Variants in DEPDC5 observed in about 807,000 individuals in gnomAD.
DEPDC5 encodes DEP domain containing 5, GATOR1 subcomplex subunit.
In DEPDC5, 73 loss-of-function variants were observed where a neutral mutation model predicts 217.3. The ratio of observed to expected loss-of-function variants is 0.34; its 90% CI spans 0.28 to 0.41. The LOEUF is 0.41. Ranked by LOEUF, DEPDC5 falls within the 10% of genes least tolerant of loss-of-function variation. The pLI is 1.00. For missense variants in DEPDC5, 1,675 were observed against 2,070.1 expected (o/e 0.81, Z 3.70); for synonymous variants, 733 against 756.7 (o/e 0.97, Z 0.51).
intron 16 of DEPDC5, 115 bp from the exon 17 acceptor site, chr22:31,804,727 A>G: frequency 2.0e-6 from 2 of 1,000,922 alleles, no homozygotes; most frequent in Non-Finnish European, 3.0e-6. Context: ...GGCATGACCC[A>G]CAGCGCCCAG....
At chr22:31,871,616 G>C (rs893312178) in intron 34 of DEPDC5, among the ~76,000 whole-genome samples, 3 of 152,192 alleles carry the variant, frequency 2.0e-5, no homozygotes, top group East Asian at 1.9e-4. Flanking sequence ...GGCTGTAGGC[G>C]TGGAGGAGAT....
Position 31,864,398 on chromosome 22 carries a change from C to A in DEPDC5, c.3330+2965C>A, listed in dbSNP as rs2092615579. 2.0e-5 allele frequency among the ~76,000 whole-genome samples: 3 copies of A among 149,282 alleles called. No individual in the cohort carries two copies. The Admixed American group carries it at 2.0e-4, about 10-fold the overall frequency. On this transcript the variant is annotated intron_variant, in intron 33 of 42. Coordinates refer to ENST00000651528, the MANE Select transcript of DEPDC5 (RefSeq NM_001242896.3). ...TGGGATTACAGGCAGGAGCCACCAC[C>A]ACACCTGGCCCAGATGGCTGCTTTC...
intron 37 of DEPDC5, 93 bp from the exon 38 acceptor site, chr22:31,879,432 C>A: frequency 8.4e-7 from 1 of 1,190,564 alleles, no homozygotes; most frequent in Non-Finnish European, 1.2e-6. Context: ...TTTTACTTAG[C>A]GTGTTTTTAA....
At position 31,785,142 on chromosome 22, in the gene DEPDC5, A is replaced by AT. The variant is rs754115000; in HGVS notation, c.624+269dup. ...CTTGCTTTTGCCACTGATATTCAAC[A>AT]TTATACTAACTAGAAGTTCTAGACA... is the stretch of plus-strand genomic sequence containing the variant. On this transcript the variant is annotated intron_variant, in intron 10 of 42. Coordinates refer to ENST00000651528, the MANE Select transcript of DEPDC5 (RefSeq NM_001242896.3). The AT allele has an allele frequency of 1.1e-3, 397 of 346,634 alleles. 3 individuals carry two copies. The highest frequency in any genetic ancestry group is 1.8e-3 in the Middle Eastern group (2 of 1,112). 21.5% of individuals were successfully genotyped at this position (346,634 alleles called of 1,614,324 possible).
At chr22:31,897,090 C>T (rs112938796) in intron 39 of DEPDC5, among the ~76,000 whole-genome samples, 6,555 of 151,738 alleles carry the variant, frequency 0.043, 204 homozygotes, top group Non-Finnish European at 0.049. Flanking sequence ...GTACTCCAGC[C>T]TGGGCAACAG....
chr22:31,843,629 G>T lies in DEPDC5; in HGVS notation c.2634-16G>T. The T allele has an allele frequency of 6.3e-7, 1 of 1,587,578 alleles. No individual in the cohort carries two copies. The highest frequency in any genetic ancestry group is 2.3e-5 in the East Asian group (1 of 44,168). Reference sequence around the variant, plus strand: ...CTAACTCTTTTGAATTTGGGGACCTGCCCTTTATTTTGCAGGTATCCTTAT... The same window carrying T: ...CTAACTCTTTTGAATTTGGGGACCTTCCCTTTATTTTGCAGGTATCCTTAT... On this transcript the variant is annotated splice_polypyrimidine_tract_variant and intron_variant, in intron 28 of 42. Transcript: ENST00000651528.
intron 33 of DEPDC5, among the ~76,000 whole-genome samples, chr22:31,867,582 T>C (rs2149208439): frequency 6.6e-6 from 1 of 152,356 alleles, no homozygotes; most frequent in South Asian, 2.1e-4. Context: ...GTCTACCATC[T>C]GCTTTTGTAA....
chr22:31,820,885 C>T (rs1364694168), intron 22 of DEPDC5, among the ~76,000 whole-genome samples: 4 of 152,202 alleles, frequency 2.6e-5, no homozygotes, highest in East Asian at 1.9e-4. Flanking sequence ...TCCTTCTTGG[C>T]TAATCTTGTG....
At chr22:31,905,677 G>A (rs1237076800) in intron 41 of DEPDC5, among the ~76,000 whole-genome samples, 1 of 152,022 alleles carries the variant, frequency 6.6e-6, no homozygotes, top group Non-Finnish European at 1.5e-5. Context: ...CAGAGATGAA[G>A]GCTGGATGAA....
In DEPDC5 at chr22:31,804,315, C is replaced by T. The variant is rs142955937; in HGVS notation, c.1143+92C>T. The T allele has an allele frequency of 0.013, 16,214 of 1,249,420 alleles. 149 individuals are homozygous for T. The highest frequency in any genetic ancestry group is 0.016 in the Non-Finnish European group (13,372 of 858,964). 77.4% of individuals were successfully genotyped at this position (1,249,420 alleles called of 1,614,324 possible). Reference sequence around the variant, plus strand: ...GGCGCTGTGGCATGCACTTATAGTCCCACTTACTCGAGAGGCTGAAGTGGG... The same window carrying T: ...GGCGCTGTGGCATGCACTTATAGTCTCACTTACTCGAGAGGCTGAAGTGGG... On this transcript the variant is annotated intron_variant, in intron 16 of 42. Coordinates refer to ENST00000651528, the MANE Select transcript of DEPDC5 (RefSeq NM_001242896.3).
intron 38 of DEPDC5, among the ~76,000 whole-genome samples, chr22:31,892,992 C>T (rs1031803424): frequency 1.3e-5 from 2 of 151,670 alleles, no homozygotes; most frequent in African/African-American, 4.8e-5. Flanking sequence ...TCTCCTGCCT[C>T]AGCCTCCTGA....
intron 7 of DEPDC5, among the ~76,000 whole-genome samples, chr22:31,776,389 G>A (rs547491839): frequency 6.6e-6 from 1 of 152,100 alleles, no homozygotes; most frequent in South Asian, 2.1e-4. Context: ...TGTGATTATA[G>A]GTGTGAGTCA....
intron 3 of DEPDC5, among the ~76,000 whole-genome samples, chr22:31,759,354 CG>C (rs201948232): frequency 6.7e-6 from 1 of 149,070 alleles, no homozygotes; most frequent in Non-Finnish European, 1.5e-5. Context: ...CATACCGAGC[CG>C]TTTTTTTTGT....
intron 7 of DEPDC5, among the ~76,000 whole-genome samples, chr22:31,770,705 A>G (rs929745252): frequency 6.6e-6 from 1 of 151,348 alleles, no homozygotes; most frequent in Admixed American, 6.6e-5. Flanking sequence ...TTGTCTTGTT[A>G]ACTGACTTGT....
At chr22:31,758,163 TA>T (rs1277554124) in intron 2 of DEPDC5, among the ~76,000 whole-genome samples, 2 of 152,206 alleles carry the variant, frequency 1.3e-5, no homozygotes, top group African/African-American at 2.4e-5. Flanking sequence ...TGAATAACTG[TA>T]ACGAATTGTG....
At chr22:31,769,691 G>A (rs2083161045) in intron 7 of DEPDC5, 1 of 152,144 alleles carries the variant, frequency 6.6e-6, no homozygotes, top group Admixed American at 6.6e-5. Context: ...GCTGAGGTGG[G>A]TAGATTGTTG....
intron 24 of DEPDC5, among the ~76,000 whole-genome samples, chr22:31,830,832 T>A (rs2090547193): frequency 6.6e-6 from 1 of 151,850 alleles, no homozygotes. Context: ...CTAGAACAGG[T>A]TTTCTTTAAA....
intron 22 of DEPDC5, among the ~76,000 whole-genome samples, chr22:31,819,616 G>A (rs539843306): frequency 1.3e-4 from 19 of 151,760 alleles, no homozygotes; most frequent in South Asian, 2.1e-4. Context: ...CTGTAGGTAC[G>A]TGCCACCAGG....
chr22:31,895,870 A>G (rs1202488985), intron 39 of DEPDC5, among the ~76,000 whole-genome samples: 2 of 151,986 alleles, frequency 1.3e-5, no homozygotes, highest in Non-Finnish European at 2.9e-5. Context: ...ATAAAAAAAG[A>G]CAGCCTGCTG....
Sources: gnomAD v4.1 joint callset for allele counts (sites outside exome capture counted in the v4.1 genomes callset) on GRCh38, gnomAD v4.1.1 for gene constraint, MANE v1.5 for transcripts, NCBI Gene and HGNC (gene_info 2026-07-23, HGNC 2026-07-21) for gene names.